NALCN: variants seen among roughly 807,000 people sequenced by gnomAD.
The protein encoded by NALCN is sodium leak channel, non-selective, also known as sodium leak channel NALCN.
In NALCN, 111 loss-of-function variants were observed where a neutral mutation model predicts 225.3. The ratio of observed to expected loss-of-function variants is 0.49; its 90% confidence interval spans 0.42 to 0.58. The LOEUF (loss-of-function observed/expected upper bound fraction) is 0.58, where lower values mean the gene tolerates loss of function less well. NALCN is among the 20% of genes least tolerant of loss of function. The probability of loss-of-function intolerance (pLI) is 0.00; values close to 1 mark genes in which losing one functional copy is unlikely to be tolerated. For missense variants in NALCN, 1,378 were observed against 2,202.4 expected, an observed-to-expected ratio of 0.63 and a Z score of 7.49; for synonymous variants, 764 against 769.0, an observed-to-expected ratio of 0.99 and a Z score of 0.11.
rs1265596615 is a variant in NALCN at position 101,055,335 on chromosome 13, A to ACAGT, written c.5173_5176dup (p.Val1726AspfsTer10). 2 of 1,613,918 alleles carry ACAGT rather than the reference A, an allele frequency of 1.2e-6. No homozygotes were observed. The highest frequency in any genetic ancestry group is 1.7e-6 in the Non-Finnish European group (2 of 1,179,962). On this transcript the variant is annotated frameshift_variant, in exon 44 of 44. Transcript: ENST00000251127. LOFTEE classifies it high-confidence loss of function. ...GTCATCCCCACTTTCGTCGCTCTCC[A>ACAGT]CAGTCAGCTGCCGGGTCCACCACTT... is the stretch of plus-strand genomic sequence containing the variant.
intron 17 of NALCN, among the ~76,000 whole-genome samples, chr13:101,128,580 G>A (rs928351984): frequency 1.3e-5 from 2 of 151,456 alleles, no homozygotes; most frequent in East Asian, 3.9e-4. Flanking sequence ...TTTTGACAGG[G>A]TTTCGTTCTG....
intron 18 of NALCN, among the ~76,000 whole-genome samples, chr13:101,118,500 A>G (rs914655850): frequency 1.3e-5 from 2 of 151,964 alleles, no homozygotes; most frequent in African/African-American, 4.8e-5. Flanking sequence ...TTTTATGCAA[A>G]AACATATATC....
At chr13:101,324,503 TA>T (rs2044870458) in intron 7 of NALCN, among the ~76,000 whole-genome samples, 1 of 152,246 alleles carries the variant, frequency 6.6e-6, no homozygotes, top group Non-Finnish European at 1.5e-5. Flanking sequence ...ACATCCCTTG[TA>T]AGTTAGATTC....
At chr13:101,114,784 G>A (rs1353220986) in intron 18 of NALCN, among the ~76,000 whole-genome samples, 1 of 152,148 alleles carries the variant, frequency 6.6e-6, no homozygotes, top group African/African-American at 2.4e-5. Flanking sequence ...CACGAATGCG[G>A]TTATTATCAC....
At chr13:101,346,384 T>G (rs77389170) in intron 6 of NALCN, among the ~76,000 whole-genome samples, 3,065 of 152,160 alleles carry the variant, frequency 0.02, 109 homozygotes, top group African/African-American at 0.07. Flanking sequence ...AATTCTTGTC[T>G]CACTGTGGGC....
intron 37 of NALCN, 44 bp downstream of exon 37, chr13:101,073,540 G>C: frequency 6.7e-7 from 1 of 1,498,108 alleles, no homozygotes; most frequent in East Asian, 2.3e-5. Context: ...AGAGTTTCAT[G>C]CTGATTCTAA....
intron 19 of NALCN, 30 bp from the exon 20 acceptor site, chr13:101,110,718 A>T: frequency 2.5e-6 from 4 of 1,610,320 alleles, no homozygotes; most frequent in Non-Finnish European, 3.4e-6. Flanking sequence ...TGGTTAATAC[A>T]TCTCAAGATC....
chr13:101,070,737 A>C (rs1487990209), intron 37 of NALCN, among the ~76,000 whole-genome samples: 1 of 152,214 alleles, frequency 6.6e-6, no homozygotes, highest in Admixed American at 6.5e-5. Flanking sequence ...TCTGTCATCC[A>C]GGCTTTGTTG....
At chr13:101,068,582 A>T in intron 38 of NALCN, 113 bp downstream of exon 38, 1 of 1,111,684 alleles carries the variant, frequency 9.0e-7, no homozygotes, top group Non-Finnish European at 1.2e-6. Context: ...ATTTATAATT[A>T]ATGCCATGAA....
At chr13:101,357,619 T>C (rs934659309) in intron 6 of NALCN, among the ~76,000 whole-genome samples, 2 of 152,000 alleles carry the variant, frequency 1.3e-5, no homozygotes, top group Non-Finnish European at 2.9e-5. Flanking sequence ...CCAAAATAAA[T>C]TATAGATTCA....
chr13:101,204,117 C>A (rs2040228894), intron 13 of NALCN, among the ~76,000 whole-genome samples: 1 of 152,132 alleles, frequency 6.6e-6, no homozygotes, highest in African/African-American at 2.4e-5. Context: ...GATTTTGTAG[C>A]TATTTTTATA....
chr13:101,413,619 C>T (rs990063065), intron 1 of NALCN, among the ~76,000 whole-genome samples: 1 of 152,022 alleles, frequency 6.6e-6, no homozygotes, highest in Non-Finnish European at 1.5e-5. Context: ...AAGTCAAGCC[C>T]TTAAAAAGAC....
chr13:101,338,145 G>T (rs1268680329), intron 7 of NALCN, among the ~76,000 whole-genome samples: 1 of 152,124 alleles, frequency 6.6e-6, no homozygotes, highest in Non-Finnish European at 1.5e-5. Flanking sequence ...TTATTTCCTG[G>T]CTTTACCTTC....
intron 15 of NALCN, among the ~76,000 whole-genome samples, chr13:101,152,041 ACTAATTTTTC>A (rs2037675901): frequency 6.6e-6 from 1 of 152,262 alleles, no homozygotes; most frequent in South Asian, 2.1e-4. Context: ...TGTTTAAGTC[ACTAATTTTTC>A]CCCGTTTTAC....
chr13:101,140,023 G>A (rs968158333), intron 17 of NALCN, among the ~76,000 whole-genome samples: 2 of 152,170 alleles, frequency 1.3e-5, no homozygotes, highest in African/African-American at 2.4e-5. Context: ...GCTGAAAATG[G>A]TGGATCCTGA....
intron 17 of NALCN, among the ~76,000 whole-genome samples, chr13:101,138,416 C>T (rs1279119868): frequency 6.6e-6 from 1 of 152,184 alleles, no homozygotes; most frequent in Non-Finnish European, 1.5e-5. Context: ...TATGCTTCAG[C>T]AGAAAGGAGG....
At chr13:101,247,934 G>A (rs2041949425) in intron 11 of NALCN, among the ~76,000 whole-genome samples, 1 of 152,256 alleles carries the variant, frequency 6.6e-6, no homozygotes, top group Non-Finnish European at 1.5e-5. Flanking sequence ...TTCTGTTCCT[G>A]TGTTAGTTTG....
At chr13:101,079,370 C>T (rs80199170) in intron 34 of NALCN, among the ~76,000 whole-genome samples, 2,230 of 152,296 alleles carry the variant, frequency 0.015, 24 homozygotes, top group Non-Finnish European at 0.023. Context: ...AGGTCTGATA[C>T]CTTCTTACCC....
intron 11 of NALCN, among the ~76,000 whole-genome samples, chr13:101,251,156 T>A (rs549704777): frequency 6.6e-6 from 1 of 152,170 alleles, no homozygotes; most frequent in South Asian, 2.1e-4. Context: ...TAGAAAGAGC[T>A]CTCCCAAATG....
Sources: allele counts gnomAD v4.1 joint callset (sites outside exome capture counted in the v4.1 genomes callset), GRCh38; gene constraint gnomAD v4.1.1; transcripts MANE v1.5; gene names NCBI Gene and HGNC (gene_info 2026-07-23, HGNC 2026-07-21).